The following GRIA3 variants were observed in gnomAD, a reference collection of about 807,000 sequenced individuals.
GRIA3 encodes glutamate ionotropic receptor AMPA type subunit 3.
In GRIA3, 3 loss-of-function variants were observed where a neutral mutation model predicts 63.0. The ratio of observed to expected loss-of-function variants is 0.05; its 90% CI spans 0.02 to 0.12. The LOEUF (loss-of-function observed/expected upper bound fraction) is 0.12, where lower values mean the gene tolerates loss of function less well. GRIA3 is among the 10% of genes least tolerant of loss of function. The pLI, the probability that GRIA3 is intolerant of heterozygous loss-of-function variation, is 1.00. For synonymous variants in GRIA3, 274 were observed against 257.9 expected, an observed-to-expected ratio of 1.06 and a Z score of -0.60; for missense variants, 347 against 700.9, an observed-to-expected ratio of 0.50 and a Z score of 5.70.
intron 4 of GRIA3, 60 bp from the exon 5 acceptor site, chrX:123,354,850 T>C (rs975448634): frequency 6.0e-6 from 5 of 829,079 alleles, no homozygotes; most frequent in African/African-American, 4.0e-5. Context: ...ACCCCACTGA[T>C]TGTGCAATTG....
At chrX:123,394,943 C>T (rs2045405488) in intron 5 of GRIA3, 25 bp from the exon 6 acceptor site, 1 of 1,124,064 alleles carries the variant, frequency 8.9e-7, no homozygotes, top group Non-Finnish European at 1.2e-6. Context: ...TTCCCACAAT[C>T]ATGATCCTTT....
At chrX:123,455,793 C>T (rs1312496373) in intron 12 of GRIA3, among the ~76,000 whole-genome samples, 1 of 109,736 alleles carries the variant, frequency 9.1e-6, no homozygotes, top group Non-Finnish European at 1.9e-5. Flanking sequence ...AGTGCTAAAG[C>T]AAGCAAAAGA....
intron 5 of GRIA3, among the ~76,000 whole-genome samples, chrX:123,361,814 T>C (rs2147354763): frequency 8.9e-6 from 1 of 111,912 alleles, no homozygotes. Context: ...TTATGTCCTC[T>C]AAAACAGTGC....
At chrX:123,387,895 G>T (rs1029684243) in intron 5 of GRIA3, among the ~76,000 whole-genome samples, 2 of 111,536 alleles carry the variant, frequency 1.8e-5, no homozygotes. Flanking sequence ...GTTTTTTGTT[G>T]TTGTTGCATC....
chrX:123,446,806 T>C (rs1354282167), intron 12 of GRIA3, among the ~76,000 whole-genome samples: 1 of 111,491 alleles, frequency 9.0e-6, no homozygotes, highest in Non-Finnish European at 1.9e-5. Flanking sequence ...AGGTCTGCCA[T>C]TGATTGATCA....
chrX:123,341,382 T>C (rs1326303685), intron 4 of GRIA3, among the ~76,000 whole-genome samples: 1 of 111,580 alleles, frequency 9.0e-6, no homozygotes, highest in Non-Finnish European at 1.9e-5. Flanking sequence ...ACTTTTGGCT[T>C]CAGGGCTTGG....
chrX:123,354,272 A>G (rs2045118107), intron 4 of GRIA3, among the ~76,000 whole-genome samples: 1 of 111,316 alleles, frequency 9.0e-6, no homozygotes, highest in Admixed American at 9.5e-5. Flanking sequence ...CAGTTGTGAC[A>G]ATCAAAAATG....
chrX:123,442,917 G>A (rs1234292246), intron 12 of GRIA3, among the ~76,000 whole-genome samples: 1 of 109,503 alleles, frequency 9.1e-6, no homozygotes, highest in Non-Finnish European at 1.9e-5. Flanking sequence ...CTGAGTAGAA[G>A]TAGCTGGGGC....
intron 5 of GRIA3, among the ~76,000 whole-genome samples, chrX:123,368,869 T>A (rs2045230230): frequency 9.0e-6 from 1 of 111,587 alleles, no homozygotes; most frequent in African/African-American, 3.3e-5. Flanking sequence ...TTTAGCCAGA[T>A]ATTCATATAA....
At chrX:123,310,126 G>C (rs1265955466) in intron 3 of GRIA3, among the ~76,000 whole-genome samples, 1 of 112,503 alleles carries the variant, frequency 8.9e-6, no homozygotes, top group African/African-American at 3.2e-5. Context: ...ATGATGGCTA[G>C]CTATGTGATT....
rs760250891 is a variant in GRIA3 at position 123,326,247 on chromosome X, A to C, written c.696+34A>C. Reference sequence around the variant, plus strand: ...GAGATTTATTTCACCGCCAGCCAACATGTTAAATTATCAACCTAAGTCAGC... The same window carrying C: ...GAGATTTATTTCACCGCCAGCCAACCTGTTAAATTATCAACCTAAGTCAGC... On this transcript the variant is annotated intron_variant, in intron 4 of 15. Coordinates refer to ENST00000620443, the MANE Select transcript of GRIA3 (RefSeq NM_007325.5). The C allele has an allele frequency of 4.5e-6, 5 of 1,101,951 alleles. No homozygotes were observed. The African/African-American group carries it at 5.4e-5, about 12-fold the overall frequency. 90.8% of individuals were successfully genotyped at this position (1,101,951 alleles called of 1,213,427 possible). A position where few individuals can be genotyped will look rare whatever the true frequency, so the allele number is the denominator to read the frequency against.
intron 2 of GRIA3, among the ~76,000 whole-genome samples, chrX:123,207,263 A>G (rs1015063282): frequency 1.8e-5 from 2 of 111,855 alleles, no homozygotes; most frequent in African/African-American, 3.3e-5. Flanking sequence ...TCCTTTGTAG[A>G]TACTGCTAGG....
At chrX:123,293,510 C>A (rs1218112225) in intron 3 of GRIA3, among the ~76,000 whole-genome samples, 1 of 109,848 alleles carries the variant, frequency 9.1e-6, no homozygotes, top group African/African-American at 3.3e-5. Flanking sequence ...CTTGCCCATA[C>A]CTGATATAAA....
At position 123,397,654 on chromosome X, in the gene GRIA3, A is replaced by G. The variant is rs189728075; in HGVS notation, c.913-982A>G. On this transcript the variant is annotated intron_variant, in intron 6 of 15. Coordinates refer to ENST00000620443, the MANE Select transcript of GRIA3 (RefSeq NM_007325.5). ...GACAAGTAACGTGAGAAAAGTCAGA[A>G]AAGCTAATTGATAGTTGTAGAGGCA... Among the ~76,000 whole-genome samples, 4 of 112,282 alleles carry G rather than the reference A, an allele frequency of 3.6e-5. No homozygotes were observed. In the East Asian group the frequency reaches 1.1e-3, roughly 31 times the overall value.
At chrX:123,343,583 G>C (rs2045023049) in intron 4 of GRIA3, among the ~76,000 whole-genome samples, 1 of 108,721 alleles carries the variant, frequency 9.2e-6, no homozygotes, top group Admixed American at 9.8e-5. Context: ...AAGAGAGAGA[G>C]AGAGAAAGAC....
At chrX:123,219,117 C>T (rs934376512) in intron 2 of GRIA3, among the ~76,000 whole-genome samples, 6 of 111,733 alleles carry the variant, frequency 5.4e-5, no homozygotes, top group Non-Finnish European at 9.4e-5. Flanking sequence ...GGTGCCTTGG[C>T]TGTTTAGAGG....
chrX:123,352,084 C>CTTT (rs1407972510), intron 4 of GRIA3, among the ~76,000 whole-genome samples: 3 of 29,568 alleles, frequency 1.0e-4, no homozygotes, highest in Non-Finnish European at 1.8e-4. Context: ...ACATTTCAAA[C>CTTT]ATTTTTTTTT....
At chrX:123,430,514 C>T (rs997584289) in intron 12 of GRIA3, among the ~76,000 whole-genome samples, 2 of 111,244 alleles carry the variant, frequency 1.8e-5, no homozygotes, top group South Asian at 3.8e-4. Flanking sequence ...CTTTGATATT[C>T]GTGCAATACA....
intron 3 of GRIA3, among the ~76,000 whole-genome samples, chrX:123,268,131 A>G (rs2044498842): frequency 8.9e-6 from 1 of 111,878 alleles, no homozygotes; most frequent in African/African-American, 3.2e-5. Context: ...TCATAAGCTT[A>G]GTATTTTTTG....
Sources: gnomAD v4.1 joint callset for allele counts (sites outside exome capture counted in the v4.1 genomes callset) on GRCh38, gnomAD v4.1.1 for gene constraint, MANE v1.5 for transcripts, NCBI Gene and HGNC (gene_info 2026-07-23, HGNC 2026-07-21) for gene names.